GLIS1: variants seen among roughly 807,000 people sequenced by gnomAD.
The protein encoded by GLIS1 is GLIS family zinc finger 1.
A neutral mutation model predicts 63.8 loss-of-function variants in GLIS1; 24 were observed. The ratio of observed to expected loss-of-function variants is 0.38; its 90% CI spans 0.27 to 0.53. The LOEUF (loss-of-function observed/expected upper bound fraction) is 0.53. Ranked by LOEUF, GLIS1 falls within the 20% of genes least tolerant of loss-of-function variation. The pLI is 0.85. For missense variants in GLIS1, 1,036 were observed against 1,074.1 expected, an observed-to-expected ratio of 0.96 and a Z score of 0.50; for synonymous variants, 450 against 482.5, an observed-to-expected ratio of 0.93 and a Z score of 0.88.
rs550660209 is a variant in GLIS1 at position 53,539,801 on chromosome 1, C to A, written c.1321-9849G>T. Among the ~76,000 whole-genome samples the A allele has an allele frequency of 1.7e-4, 26 of 152,266 alleles. No homozygotes were observed. Among genetic ancestry groups the A allele is most frequent in the African/African-American group, 6.3e-4 (26 of 41,540 alleles). On this transcript the variant is annotated intron_variant, in intron 4 of 10. Coordinates refer to ENST00000628545, the MANE Select transcript of GLIS1 (RefSeq NM_001367484.1). This position sits in a 1 kb window ranked among gnomAD's most constrained non-coding sequence, Gnocchi z 5.0. ...TGTGCGTGTGGGGTTCACTGAGGGG[C>A]TGGGTCCACTGCGCCTCCTGACCTC...
At chr1:53,709,825 G>T (rs974202423) in intron 2 of GLIS1, among the ~76,000 whole-genome samples, 3 of 152,204 alleles carry the variant, frequency 2.0e-5, no homozygotes, top group South Asian at 2.1e-4. Flanking sequence ...GTGGGTGGAT[G>T]AAGATATGGA....
At chr1:53,653,992 C>T (rs1278185406) in intron 2 of GLIS1, among the ~76,000 whole-genome samples, 1 of 152,192 alleles carries the variant, frequency 6.6e-6, no homozygotes, top group Non-Finnish European at 1.5e-5. Flanking sequence ...CCAGTCAAAG[C>T]ACTGCCATCC....
At chr1:53,687,114 C>T (rs1646345608) in intron 2 of GLIS1, among the ~76,000 whole-genome samples, 1 of 152,196 alleles carries the variant, frequency 6.6e-6, no homozygotes, top group East Asian at 1.9e-4. Context: ...AACCCGGAAT[C>T]TCCTGAAGTT....
At chr1:53,622,091 G>A (rs1645549532) in intron 2 of GLIS1, among the ~76,000 whole-genome samples, 1 of 151,746 alleles carries the variant, frequency 6.6e-6, no homozygotes, top group African/African-American at 2.4e-5. Context: ...GCCTCATACA[G>A]GAAATCTTAA....
At chr1:53,585,646 C>G (rs1453632665) in intron 4 of GLIS1, among the ~76,000 whole-genome samples, 1 of 152,126 alleles carries the variant, frequency 6.6e-6, no homozygotes, top group African/African-American at 2.4e-5. Flanking sequence ...GGCCTCAAGA[C>G]CAGGAACTAC....
chr1:53,687,556 C>T (rs1273247792), intron 2 of GLIS1, among the ~76,000 whole-genome samples: 1 of 152,128 alleles, frequency 6.6e-6, no homozygotes, highest in Non-Finnish European at 1.5e-5. Flanking sequence ...TCCTGAAGGG[C>T]CCCCTGCTGT....
chr1:53,711,262 T>C (rs1362108102), intron 2 of GLIS1, among the ~76,000 whole-genome samples: 2 of 152,154 alleles, frequency 1.3e-5, no homozygotes, highest in Non-Finnish European at 2.9e-5. Flanking sequence ...TCACCACACC[T>C]GTGTGATCTT....
chr1:53,652,803 G>A (rs1311780421), intron 2 of GLIS1, among the ~76,000 whole-genome samples: 1 of 152,144 alleles, frequency 6.6e-6, no homozygotes, highest in Non-Finnish European at 1.5e-5. Context: ...AGGATGACAT[G>A]AGGACCAGCT....
intron 7 of GLIS1, among the ~76,000 whole-genome samples, chr1:53,515,110 T>C (rs1644338228): frequency 6.6e-6 from 1 of 151,178 alleles, no homozygotes; most frequent in Admixed American, 6.6e-5. Context: ...TGTGTGTGTG[T>C]GTGTGTGTGT....
At chr1:53,592,828 T>C (rs780754232) in intron 4 of GLIS1, among the ~76,000 whole-genome samples, 2 of 152,200 alleles carry the variant, frequency 1.3e-5, no homozygotes, top group Admixed American at 6.5e-5. Flanking sequence ...GCAAACTCTT[T>C]CTCCTCCTTC....
At chr1:53,559,624 T>C (rs997037642) in intron 4 of GLIS1, among the ~76,000 whole-genome samples, 14 of 152,106 alleles carry the variant, frequency 9.2e-5, no homozygotes, top group African/African-American at 3.4e-4. Context: ...GCCCAGCCGC[T>C]GCAATGCGGG....
chr1:53,519,141 T>C (rs1644381486), intron 7 of GLIS1, among the ~76,000 whole-genome samples: 2 of 152,234 alleles, frequency 1.3e-5, no homozygotes, highest in Non-Finnish European at 2.9e-5. Context: ...CCTTCGTCCC[T>C]GGGTTGGATG....
intron 4 of GLIS1, among the ~76,000 whole-genome samples, chr1:53,549,437 C>A (rs565706583): frequency 6.6e-6 from 1 of 152,200 alleles, no homozygotes; most frequent in East Asian, 1.9e-4. Flanking sequence ...TGTCAACACT[C>A]GTTATTGGCA....
intron 2 of GLIS1, among the ~76,000 whole-genome samples, chr1:53,643,410 G>A (rs919113803): frequency 6.6e-6 from 1 of 152,172 alleles, no homozygotes; most frequent in Non-Finnish European, 1.5e-5. Flanking sequence ...AACTTGACCT[G>A]GAGTGAGCCA....
chr1:53,599,657 C>T (rs551798791), intron 3 of GLIS1, among the ~76,000 whole-genome samples: 8 of 152,348 alleles, frequency 5.3e-5, no homozygotes, highest in East Asian at 1.9e-4. Flanking sequence ...ACAGGGTGGC[C>T]GGCACTGGAA....
Position 53,560,865 on chromosome 1 carries a change from G to A in GLIS1, c.1321-30913C>T, listed in dbSNP as rs1644885222. Among the ~76,000 whole-genome samples, 1 of 152,088 alleles carries A rather than the reference G, an allele frequency of 6.6e-6. No individual in the cohort carries two copies. The highest frequency in any genetic ancestry group is 1.5e-5 in the Non-Finnish European group (1 of 68,016). Reference sequence around the variant, plus strand: ...GGGGCAATACACCACACTTTTTCCTGCCCCATCCTGCCCTGCCACTGGTAT... The same window carrying A: ...GGGGCAATACACCACACTTTTTCCTACCCCATCCTGCCCTGCCACTGGTAT... On this transcript the variant is annotated intron_variant, in intron 4 of 10. Transcript: ENST00000628545. The surrounding 1 kb of genome is among the most constrained non-coding windows in gnomAD (Gnocchi z 4.4).
chr1:53,594,388 T>A lies in GLIS1; in HGVS notation c.1040A>T (p.Gln347Leu). 1 of 1,611,676 alleles carries A rather than the reference T, an allele frequency of 6.2e-7. No homozygotes were observed. Among genetic ancestry groups the A allele is most frequent in the Non-Finnish European group, 8.5e-7 (1 of 1,179,054 alleles). ...TCCAAGGCTTGGGCCAGGCGGCAAC[T>A]GAGACAGGGGATAGGGGGGCGGCAG... ...QGLPPPYPLS[Q>L]LPPGPSLGGL... Residue 347 changes from glutamine to leucine, a missense_variant, in exon 4 of 11, where the codon CAG becomes CTG. This residue lies in a region of GLIS1 where 592 missense variants were observed against 593.9 expected (regional missense o/e 1.00). Coordinates refer to ENST00000628545, the MANE Select transcript of GLIS1 (RefSeq NM_001367484.1).
chr1:53,607,951 T>G (rs1645387893), intron 2 of GLIS1, among the ~76,000 whole-genome samples: 1 of 133,552 alleles, frequency 7.5e-6, no homozygotes, highest in African/African-American at 2.8e-5. Context: ...AGCTCTCTGA[T>G]GTCTCTCTTT....
At chr1:53,517,271 AC>A (rs1410114986) in intron 7 of GLIS1, among the ~76,000 whole-genome samples, 1 of 151,786 alleles carries the variant, frequency 6.6e-6, no homozygotes, top group Non-Finnish European at 1.5e-5. Flanking sequence ...CTGCTGTGAG[AC>A]CCAGGGGCTC....
Sources: gnomAD v4.1 joint callset for allele counts (sites outside exome capture counted in the v4.1 genomes callset) on GRCh38, gnomAD v4.1.1 for gene constraint, gnomAD v4.1.1 regional missense constraint, Gnocchi (gnomAD v3.1) non-coding constraint, MANE v1.5 for transcripts, NCBI Gene and HGNC (gene_info 2026-07-23, HGNC 2026-07-21) for gene names.